Variants in WDFY3 observed in about 807,000 individuals in gnomAD.
WDFY3 encodes the protein WD repeat and FYVE domain containing 3, also known as WD repeat and FYVE domain-containing protein 3.
Under a neutral mutation model 409.6 loss-of-function variants are expected in WDFY3, and 66 were observed. The ratio of observed to expected loss-of-function variants is 0.16; its 90% CI spans 0.13 to 0.20. The LOEUF (loss-of-function observed/expected upper bound fraction) is 0.20. Ranked by LOEUF, WDFY3 falls within the 10% of genes least tolerant of loss-of-function variation. WDFY3 has a pLI of 1.00. For missense variants in WDFY3, 3,031 were observed against 4,298.1 expected, an observed-to-expected ratio of 0.71 and a Z score of 8.24; for synonymous variants, 1,521 against 1,537.1, an observed-to-expected ratio of 0.99 and a Z score of 0.25.
intron 24 of WDFY3, among the ~76,000 whole-genome samples, chr4:84,783,824 G>A (rs78168444): frequency 0.18 from 27,553 of 151,466 alleles, 4,426 homozygotes; most frequent in African/African-American, 0.43. Context: ...AGAGTTATGT[G>A]AAGTTTATGT....
At chr4:84,924,594 A>T (rs1769729097) in intron 2 of WDFY3, among the ~76,000 whole-genome samples, 1 of 152,238 alleles carries the variant, frequency 6.6e-6, no homozygotes, top group Admixed American at 6.5e-5. Flanking sequence ...GAAGTTAAGT[A>T]GCCCAAGGTC....
intron 13 of WDFY3, among the ~76,000 whole-genome samples, chr4:84,814,883 G>T (rs533554600): frequency 6.6e-6 from 1 of 151,900 alleles, no homozygotes; most frequent in Non-Finnish European, 1.5e-5. Flanking sequence ...CATTTCTGGG[G>T]GGTCTTAGAA....
intron 2 of WDFY3, among the ~76,000 whole-genome samples, chr4:84,897,230 T>C (rs919601274): frequency 1.3e-5 from 2 of 152,296 alleles, no homozygotes; most frequent in South Asian, 4.1e-4. Context: ...GCAGTGTTTT[T>C]ATGGGTTTCC....
intron 1 of WDFY3, among the ~76,000 whole-genome samples, chr4:84,955,942 A>G (rs1386631279): frequency 6.6e-6 from 1 of 152,212 alleles, no homozygotes; most frequent in Non-Finnish European, 1.5e-5. Flanking sequence ...CAAGGCAATA[A>G]AACTACAAGT....
At position 84,717,040 on chromosome 4, in the gene WDFY3, C is replaced by A. The variant is rs1363631394; in HGVS notation, c.7755-24G>T. On this transcript the variant is annotated intron_variant, in intron 48 of 67. Transcript: ENST00000295888. Reference sequence around the variant, plus strand: ...TACTACAGGCAGCCAAGAGAAAAAGCAAATAAAAACACAGCAAGGGATAAA... The same window carrying A: ...TACTACAGGCAGCCAAGAGAAAAAGAAAATAAAAACACAGCAAGGGATAAA... The A allele has an allele frequency of 2.6e-6, 4 of 1,537,160 alleles. No individual in the cohort carries two copies. The Admixed American group carries it at 6.1e-5, about 23-fold the overall frequency.
chr4:84,878,317 C>T (rs1763051455), intron 3 of WDFY3, among the ~76,000 whole-genome samples: 1 of 152,098 alleles, frequency 6.6e-6, no homozygotes, highest in African/African-American at 2.4e-5. Flanking sequence ...CATAAGAAAT[C>T]ATGACTGAAT....
intron 32 of WDFY3, among the ~76,000 whole-genome samples, chr4:84,761,189 G>A (rs1236000565): frequency 6.6e-6 from 1 of 151,980 alleles, no homozygotes; most frequent in African/African-American, 2.4e-5. Context: ...TATAATTTCT[G>A]TTCTTTTACA....
Position 84,801,774 on chromosome 4 carries a change from G to A in WDFY3, c.2698C>T (p.Leu900Phe), listed in dbSNP as rs988191924. 4.3e-6 allele frequency: 7 copies of A among 1,613,998 alleles called. No homozygotes were observed. Among genetic ancestry groups the A allele is most frequent in the African/African-American group, 2.7e-5 (2 of 74,912 alleles). Residue 900 changes from leucine to phenylalanine, a missense_variant, in exon 17 of 68, where the codon CTT (leucine) becomes TTT (phenylalanine). This residue lies in a region of WDFY3 where 1,322 missense variants were observed against 1,697.9 expected (regional missense o/e 0.78). Transcript: ENST00000295888. Reference protein sequence around the residue: ...RNQQVMCEAGLHARLLQRCSA... With the variant: ...RNQQVMCEAGFHARLLQRCSA... ...CACCTCTGCAGCAGTCGTGCATGAA[G>A]ACCAGCTTCACACATGACTTGCTGG...
At position 84,881,807 on chromosome 4, in the gene WDFY3, G is replaced by A. The variant is rs564067865; in HGVS notation, c.-32+15104C>T. 2.0e-5 allele frequency among the ~76,000 whole-genome samples: 3 copies of A among 151,898 alleles called. No homozygotes were observed. In the East Asian group the frequency reaches 5.8e-4, roughly 30 times the overall value. On this transcript the variant is annotated intron_variant, in intron 3 of 67. Coordinates refer to ENST00000295888, the MANE Select transcript of WDFY3 (RefSeq NM_014991.6). ...TAAGAGGATCGCTTGATCCCAAGCG[G>A]TGCGTGAAGGATGCAGTGAGCTGAG...
rs568406461 is a variant in WDFY3 at position 84,686,788 on chromosome 4, T to C, written c.9543+1298A>G. Among the ~76,000 whole-genome samples the C allele has an allele frequency of 1.1e-3, 168 of 152,298 alleles. 2 individuals are homozygous for C. The highest frequency in any genetic ancestry group is 3.8e-3 in the African/African-American group (157 of 41,562). On this transcript the variant is annotated intron_variant, in intron 62 of 67. Transcript: ENST00000295888. ...CTGACACACATTATCTACTTGCTAATGCGACACACATCATCAACTTACTAA... is the reference window on the plus strand; with the variant it reads ...CTGACACACATTATCTACTTGCTAACGCGACACACATCATCAACTTACTAA...
chr4:84,716,870 A>G (rs772333630), intron 49 of WDFY3, 26 bp downstream of exon 49: 2 of 1,489,578 alleles, frequency 1.3e-6, no homozygotes, highest in Non-Finnish European at 1.8e-6. Context: ...GAAACATGAT[A>G]AAACAGTACT....
At chr4:84,961,636 A>G (rs1774932397) in intron 1 of WDFY3, among the ~76,000 whole-genome samples, 1 of 152,184 alleles carries the variant, frequency 6.6e-6, no homozygotes, top group Non-Finnish European at 1.5e-5. Flanking sequence ...TGAGATCATA[A>G]CTGATGCCCA....
At chr4:84,949,863 G>A (rs528655586) in intron 1 of WDFY3, among the ~76,000 whole-genome samples, 1 of 152,266 alleles carries the variant, frequency 6.6e-6, no homozygotes, top group Admixed American at 6.5e-5. Flanking sequence ...ACTGCAGTAA[G>A]AACAAGTGCA....
chr4:84,883,715 G>A (rs1578973473), intron 3 of WDFY3, among the ~76,000 whole-genome samples: 3 of 152,084 alleles, frequency 2.0e-5, no homozygotes, highest in Non-Finnish European at 1.5e-5. Flanking sequence ...CTAGAGCTGG[G>A]GAAAAGGGAA....
intron 5 of WDFY3, among the ~76,000 whole-genome samples, chr4:84,845,876 CTAACTCTA>C (rs1758017639): frequency 6.6e-6 from 1 of 151,506 alleles, no homozygotes; most frequent in African/African-American, 2.4e-5. Context: ...GGTGGCCCTT[CTAACTCTA>C]CTCCAATTCT....
At chr4:84,877,671 T>C (rs1486841716) in intron 3 of WDFY3, among the ~76,000 whole-genome samples, 5 of 152,200 alleles carry the variant, frequency 3.3e-5, no homozygotes, top group Non-Finnish European at 5.9e-5. Flanking sequence ...TGTGTACATC[T>C]TTATCATTGC....
intron 32 of WDFY3, among the ~76,000 whole-genome samples, chr4:84,758,923 T>G (rs1741959861): frequency 6.6e-6 from 1 of 152,192 alleles, no homozygotes; most frequent in African/African-American, 2.4e-5. Context: ...CTCCTAGGGT[T>G]TTTATGGTTT....
At chr4:84,850,051 A>G in intron 4 of WDFY3, 26 bp from the exon 5 acceptor site, 1 of 1,548,388 alleles carries the variant, frequency 6.5e-7, no homozygotes. Context: ...GACATTGTTA[A>G]TGAAGCACTG....
Position 84,733,505 on chromosome 4 carries a change from G to C in WDFY3, c.7098C>G (p.Leu2366=), listed in dbSNP as rs780363666. The change falls in exon 44 of 68, where the codon CTC becomes CTG. Residue 2366 remains leucine, a synonymous_variant. Transcript: ENST00000295888. Reference sequence around the variant, plus strand: ...CTGTCATCTCCAGCATCCACTTGTCGAGGTGGGAGCCGATGGGAGGGCCCC... The same window carrying C: ...CTGTCATCTCCAGCATCCACTTGTCCAGGTGGGAGCCGATGGGAGGGCCCC... ...GLWGPPIGSH[L]DKWMLEMTEG... is the part of the protein sequence containing the mutation. 1 of 1,613,844 alleles carries C rather than the reference G, an allele frequency of 6.2e-7. No individual in the cohort carries two copies. Among genetic ancestry groups the C allele is most frequent in the South Asian group, 1.1e-5 (1 of 91,050 alleles).
Sources: gnomAD v4.1 joint callset for allele counts (sites outside exome capture counted in the v4.1 genomes callset) on GRCh38, gnomAD v4.1.1 for gene constraint, gnomAD v4.1.1 regional missense constraint, MANE v1.5 for transcripts, NCBI Gene and HGNC (gene_info 2026-07-23, HGNC 2026-07-21) for gene names.